The following CSGALNACT1 variants were observed in gnomAD, a reference collection of about 807,000 sequenced individuals.
CSGALNACT1 encodes beta4GalNAcT-1.
A neutral mutation model predicts 51.0 loss-of-function variants in CSGALNACT1; 52 were observed. That is an observed-to-expected ratio of 1.02 (90% CI 0.82 to 1.29). The LOEUF (loss-of-function observed/expected upper bound fraction) is 1.29, where lower values mean the gene tolerates loss of function less well. CSGALNACT1 is among the 50% of genes most tolerant of loss of function. The pLI is 0.00. For synonymous variants in CSGALNACT1, 341 were observed against 254.4 expected (o/e 1.34, Z -3.24); for missense variants, 935 against 679.2 (o/e 1.38, Z -4.19).
At chr8:19,735,115 C>A (rs1007213937) in intron 1 of CSGALNACT1, among the ~76,000 whole-genome samples, 90 of 152,204 alleles carry the variant, frequency 5.9e-4, no homozygotes, top group African/African-American at 2.1e-3. Flanking sequence ...CCCCAAAATG[C>A]AGCAGCCTTA....
At chr8:19,553,855 C>G (rs28404090) in intron 3 of CSGALNACT1, among the ~76,000 whole-genome samples, 74,249 of 150,276 alleles carry the variant, frequency 0.49, 19,666 homozygotes, top group African/African-American at 0.7. Flanking sequence ...AAAATAAGTA[C>G]AGAATGTCAT....
At chr8:19,458,787 C>G (rs1279092619) in intron 4 of CSGALNACT1, 145 bp from the exon 4 acceptor site, 12 of 794,050 alleles carry the variant, frequency 1.5e-5, no homozygotes, top group Non-Finnish European at 2.3e-5. Context: ...TCAAAATGCT[C>G]CCAATTAAAA....
At position 19,539,778 on chromosome 8, in the gene CSGALNACT1, C is replaced by G. The variant is rs1330702316; in HGVS notation, c.-296-33648G>C. Among the ~76,000 whole-genome samples, 2 of 152,166 alleles carry G rather than the reference C, an allele frequency of 1.3e-5. 1 individual carries two copies. The highest frequency in any genetic ancestry group is 1.3e-4 in the Admixed American group (2 of 15,288). On this transcript the variant is annotated intron_variant, in intron 3 of 9. Coordinates refer to ENST00000454498, the Ensembl canonical transcript of CSGALNACT1. ...TGGCCACATTGACTGTGATTCTCCA[C>G]CCCCTTCCAGAGGCGATGCCCCTCC...
intron 6 of CSGALNACT1, among the ~76,000 whole-genome samples, chr8:19,428,438 C>A (rs1381276305): frequency 1.3e-5 from 2 of 152,106 alleles, no homozygotes; most frequent in African/African-American, 4.8e-5. Flanking sequence ...ACCATCAGAT[C>A]TCGTGAGACT....
intron 6 of CSGALNACT1, among the ~76,000 whole-genome samples, chr8:19,429,856 A>G (rs964325536): frequency 6.6e-6 from 1 of 152,226 alleles, no homozygotes; most frequent in African/African-American, 2.4e-5. Context: ...AATAGACAAG[A>G]GTTCCAATTT....
chr8:19,434,838 A>C (rs1405625962), intron 6 of CSGALNACT1, among the ~76,000 whole-genome samples: 1 of 151,954 alleles, frequency 6.6e-6, no homozygotes, highest in Non-Finnish European at 1.5e-5. Context: ...TCCTTGTTTA[A>C]GAAAAAAAAA....
chr8:19,633,371 T>C (rs1456845368), intron 1 of CSGALNACT1, among the ~76,000 whole-genome samples: 3 of 152,130 alleles, frequency 2.0e-5, no homozygotes, highest in Non-Finnish European at 4.4e-5. Context: ...CTTGCTACCA[T>C]ACAATTAAGG....
At chr8:19,621,026 G>T (rs2053759099) in intron 1 of CSGALNACT1, among the ~76,000 whole-genome samples, 1 of 152,056 alleles carries the variant, frequency 6.6e-6, no homozygotes. Flanking sequence ...TAGAGGTCTT[G>T]GTCATTTTTA....
intron 3 of CSGALNACT1, among the ~76,000 whole-genome samples, chr8:19,561,138 T>C (rs2040612990): frequency 6.6e-6 from 1 of 152,084 alleles, no homozygotes. Flanking sequence ...GCAATTATCA[T>C]AAAAATGAGA....
chr8:19,640,214 C>G (rs2056581589), intron 1 of CSGALNACT1, among the ~76,000 whole-genome samples: 1 of 152,200 alleles, frequency 6.6e-6, no homozygotes, highest in South Asian at 2.1e-4. Context: ...TTGCCAGCCA[C>G]ACATCAGTGT....
At chr8:19,729,733 G>A (rs1398640219) in intron 1 of CSGALNACT1, among the ~76,000 whole-genome samples, 6 of 152,142 alleles carry the variant, frequency 3.9e-5, no homozygotes, top group Admixed American at 3.9e-4. Context: ...CCACAAGAAT[G>A]CCCTTCCCCC....
intron 2 of CSGALNACT1, among the ~76,000 whole-genome samples, chr8:19,596,098 G>A (rs1026255733): frequency 3.3e-5 from 5 of 151,994 alleles, no homozygotes; most frequent in African/African-American, 1.2e-4. Flanking sequence ...GAACTCCTGA[G>A]CTCAAGCAAT....
rs537806784 is a variant in CSGALNACT1 at position 19,651,838 on chromosome 8, G to A, written c.-544+30635C>T. The stretch of plus-strand genomic sequence containing the variant: ...AAGTTCTTTCAGAAATCTCCAAACT[G>A]CTTTCCACTGTGGTTAACTAATTTA... On this transcript the variant is annotated intron_variant, in intron 1 of 9. Coordinates refer to the CSGALNACT1 transcript ENST00000332246. 8.5e-5 allele frequency among the ~76,000 whole-genome samples: 13 copies of A among 152,196 alleles called. No homozygotes were observed. The South Asian group carries it at 2.1e-3, about 24-fold the overall frequency.
intron 5 of CSGALNACT1, among the ~76,000 whole-genome samples, chr8:19,448,000 G>T (rs1373897551): frequency 2.6e-5 from 4 of 152,220 alleles, no homozygotes; most frequent in African/African-American, 9.6e-5. Context: ...TGCCATTAGG[G>T]AGTGATAGCC....
In CSGALNACT1 at chr8:19,513,411, TCTCA is replaced by T. The variant is rs1189756198; in HGVS notation, c.-296-7285_-296-7282del. 4.9e-4 allele frequency among the ~76,000 whole-genome samples: 32 copies of T among 64,964 alleles called. 1 individual carries two copies. Among genetic ancestry groups the T allele is most frequent in the South Asian group, 1.6e-3 (3 of 1,916 alleles). 42.6% of individuals were successfully genotyped at this position (64,964 alleles called of 152,430 possible). A position where few individuals can be genotyped will look rare whatever the true frequency, so the allele number is the denominator to read the frequency against. On this transcript the variant is annotated intron_variant, in intron 3 of 9. Transcript: ENST00000454498. ...CATTCTGTTCATAGAATTTTCTCTC[TCTCA>T]CTCTCTCTCTCTCTCTCTCTCTATA...
intron 8 of CSGALNACT1, among the ~76,000 whole-genome samples, chr8:19,412,322 G>A (rs184233003): frequency 3.3e-5 from 5 of 152,262 alleles, no homozygotes; most frequent in South Asian, 2.1e-4. Flanking sequence ...GACGATTCAC[G>A]TGACAGGGAT....
At chr8:19,406,660 C>T (rs1249308529) in intron 9 of CSGALNACT1, among the ~76,000 whole-genome samples, 1 of 142,554 alleles carries the variant, frequency 7.0e-6, no homozygotes, top group African/African-American at 2.6e-5. Flanking sequence ...AGAGCTTCTA[C>T]ACCATCCCCA....
intron 4 of CSGALNACT1, among the ~76,000 whole-genome samples, chr8:19,478,413 C>CAAAA (rs55767885): frequency 5.6e-5 from 4 of 70,822 alleles, no homozygotes; most frequent in African/African-American, 2.3e-4. Context: ...GACTCCGTCT[C>CAAAA]AAAAAAAAAA....
chr8:19,685,185 A>G (rs2060901466), upstream of CSGALNACT1, among the ~76,000 whole-genome samples: 1 of 152,222 alleles, frequency 6.6e-6, no homozygotes, highest in Non-Finnish European at 1.5e-5. Context: ...CTGAACAAAT[A>G]TGTTAAAGTG....
Sources: gnomAD v4.1 joint callset for allele counts (sites outside exome capture counted in the v4.1 genomes callset) on GRCh38, gnomAD v4.1.1 for gene constraint, MANE v1.5 for transcripts, NCBI Gene and HGNC (gene_info 2026-07-23, HGNC 2026-07-21) for gene names.